Variants in DCLRE1C observed in about 807,000 individuals in gnomAD.
The protein encoded by DCLRE1C is DNA cross-link repair 1C, also known as protein artemis.
Under a neutral mutation model 61.4 loss-of-function variants are expected in DCLRE1C, and 47 were observed. That is an observed-to-expected ratio of 0.77 (90% CI 0.61 to 0.98). The LOEUF (loss-of-function observed/expected upper bound fraction) is 0.98, where lower values mean the gene tolerates loss of function less well. DCLRE1C is among the 50% of genes least tolerant of loss of function. The pLI, the probability that DCLRE1C is intolerant of heterozygous loss-of-function variation, is 0.00. For missense variants in DCLRE1C, 858 were observed against 816.0 expected (o/e 1.05, Z -0.63); for synonymous variants, 337 against 287.6 (o/e 1.17, Z -1.74).
At chr10:14,926,244 G>A (rs1837956268) in intron 11 of DCLRE1C, among the ~76,000 whole-genome samples, 3 of 152,122 alleles carry the variant, frequency 2.0e-5, no homozygotes, top group South Asian at 4.1e-4. Flanking sequence ...GAACGTGCAC[G>A]TCAGGTGATT....
chr10:14,929,066 C>T (rs2130864756), intron 9 of DCLRE1C, among the ~76,000 whole-genome samples: 1 of 152,312 alleles, frequency 6.6e-6, no homozygotes, highest in Non-Finnish European at 1.5e-5. Flanking sequence ...AGGCGAGAGC[C>T]ACTGGGCCCA....
chr10:14,919,862 C>G, intron 12 of DCLRE1C, 30 bp from the exon 13 acceptor site: 1 of 1,564,432 alleles, frequency 6.4e-7, no homozygotes. Flanking sequence ...TTGATTTTTC[C>G]TTTTGAGGAA....
chr10:14,909,582 G>A (rs367614862), intron 13 of DCLRE1C, among the ~76,000 whole-genome samples: 198 of 148,970 alleles, frequency 1.3e-3, no homozygotes, highest in Non-Finnish European at 2.2e-3. Flanking sequence ...TGATCATTAC[G>A]ATCATATGCA....
chr10:14,929,401 C>A (rs1838591078), intron 9 of DCLRE1C, among the ~76,000 whole-genome samples: 2 of 142,864 alleles, frequency 1.4e-5, no homozygotes, highest in Non-Finnish European at 1.5e-5. Flanking sequence ...GAAACTCTAT[C>A]TCAAAAAACC....
intron 9 of DCLRE1C, 99 bp downstream of exon 9, chr10:14,932,755 T>A (rs753198268): frequency 2.1e-6 from 3 of 1,410,128 alleles, no homozygotes; most frequent in Non-Finnish European, 3.0e-6. Context: ...CCTCAGGTTT[T>A]ACATTTGTAA....
At chr10:14,912,048 A>G (rs1835345542) in intron 13 of DCLRE1C, among the ~76,000 whole-genome samples, 1 of 152,230 alleles carries the variant, frequency 6.6e-6, no homozygotes, top group African/African-American at 2.4e-5. Context: ...GATTGACCAT[A>G]TGTTATGAAC....
chr10:14,921,423 T>G (rs1198296008), intron 12 of DCLRE1C, among the ~76,000 whole-genome samples: 1 of 152,250 alleles, frequency 6.6e-6, no homozygotes, highest in Admixed American at 6.5e-5. Flanking sequence ...CTCAGCTATT[T>G]TAAGATCAAG....
At chr10:14,933,846 T>A (rs1158658088) in intron 8 of DCLRE1C, among the ~76,000 whole-genome samples, 4 of 152,226 alleles carry the variant, frequency 2.6e-5, no homozygotes, top group Non-Finnish European at 4.4e-5. Flanking sequence ...GTAAGCCATT[T>A]TGGCTTCTGT....
Position 14,908,667 on chromosome 10 carries a change from C to T in DCLRE1C, c.1820G>A (p.Ser607Asn). The T allele has an allele frequency of 6.2e-7, 1 of 1,614,108 alleles. No individual in the cohort carries two copies. The highest frequency in any genetic ancestry group is 1.3e-5 in the African/African-American group (1 of 75,036). The change falls in exon 14 of 14, where the codon AGC becomes AAC. Residue 607 changes from serine to asparagine, a missense_variant. Physicochemically the swap from Ser to Asn is conservative, Grantham distance 46. Transcript: ENST00000378278. ...CPKDTYSDLK[S>N]RDKDVTIVPS... ...AACTATTGTCACATCTTTATCTCTG[C>T]TTTTCAAATCAGAGTAAGTATCCTT... is the stretch of plus-strand genomic sequence containing the variant.
chr10:14,925,334 G>A (rs1268409468), intron 11 of DCLRE1C, among the ~76,000 whole-genome samples: 1 of 150,852 alleles, frequency 6.6e-6, no homozygotes, highest in African/African-American at 2.5e-5. Flanking sequence ...ACCCAATAAA[G>A]GAGCACCCCC....
Position 14,906,932 on chromosome 10 carries a change from A to ACAAT in DCLRE1C, c.*1472_*1475dup, listed in dbSNP as rs1338662584. The stretch of plus-strand genomic sequence containing the variant: ...TCTTGCTTTGTTGCCCAGGCTGGGC[A>ACAAT]CAATCAGCTCACTGCAGTTTCAACC... On this transcript the variant is annotated 3_prime_UTR_variant, in exon 14 of 14. Transcript: ENST00000378278. Among the ~76,000 whole-genome samples, 1 of 151,524 alleles carries ACAAT rather than the reference A, an allele frequency of 6.6e-6. No homozygotes were observed. Among genetic ancestry groups the ACAAT allele is most frequent in the African/African-American group, 2.4e-5 (1 of 41,236 alleles).
intron 10 of DCLRE1C, among the ~76,000 whole-genome samples, chr10:14,927,666 T>G (rs1451794713): frequency 2.6e-5 from 4 of 151,436 alleles, no homozygotes; most frequent in African/African-American, 4.9e-5. Context: ...ACAGCCAAAG[T>G]TAAGGAAATA....
intron 13 of DCLRE1C, chr10:14,911,317 A>G (rs1011335754): frequency 6.6e-6 from 1 of 152,240 alleles, no homozygotes; most frequent in Non-Finnish European, 1.5e-5. Flanking sequence ...CATATACTAA[A>G]TGCTACTCTG....
At chr10:14,949,719 C>G (rs1265317917) in intron 1 of DCLRE1C, among the ~76,000 whole-genome samples, 1 of 152,140 alleles carries the variant, frequency 6.6e-6, no homozygotes, top group Non-Finnish European at 1.5e-5. Flanking sequence ...AAGTAAAGGC[C>G]CAGACAACAA....
chr10:14,908,106 A>C lies in DCLRE1C; in HGVS notation c.*302T>G. The C allele has an allele frequency of 6.2e-6, 2 of 321,088 alleles. No individual in the cohort carries two copies. Among genetic ancestry groups the C allele is most frequent in the South Asian group, 6.7e-5 (2 of 29,642 alleles). 19.9% of individuals were successfully genotyped at this position (321,088 alleles called of 1,614,324 possible). On this transcript the variant is annotated 3_prime_UTR_variant, in exon 14 of 14. Coordinates refer to ENST00000378278, the MANE Select transcript of DCLRE1C (RefSeq NM_001033855.3). ...CACAGTCATGGCTCACTGCAGCCTC[A>C]ATCTCCTGGGCTCAAGTGATCCTCA...
Position 14,945,124 on chromosome 10 carries a change from C to G in DCLRE1C, c.227G>C (p.Arg76Thr), listed in dbSNP as rs41296438. Residue 76 changes from arginine to threonine, a missense_variant, in exon 3 of 14, where the codon AGA becomes ACA. Arg to Thr is a moderately conservative substitution (Grantham distance 71, BLOSUM62 -1). Around this residue, in one of 2 missense-constraint regions of DCLRE1C, gnomAD observed 843 missense variants for 783.5 expected, o/e 1.08. Transcript: ENST00000378278. Reference sequence around the variant, plus strand: ...ACTTACAATTCGTTTCTTCCAAAATCTGTATTTCGGGCTCGTTAACAACAA... The same window carrying G: ...ACTTACAATTCGTTTCTTCCAAAATGTGTATTTCGGGCTCGTTAACAACAA... ...KELLLTSPKY[R>T]FWKKRIISIE... 1.4e-3 allele frequency: 2,326 copies of G among 1,612,330 alleles called. 36 individuals are homozygous for G. The African/African-American group carries it at 0.028, about 20-fold the overall frequency.
At chr10:14,951,983 C>T (rs902807055) in intron 1 of DCLRE1C, among the ~76,000 whole-genome samples, 2 of 152,116 alleles carry the variant, frequency 1.3e-5, no homozygotes, top group Admixed American at 1.3e-4. Context: ...TGTTTTCACC[C>T]TTGATGAGTT....
chr10:14,935,420 A>C (rs768853326), intron 6 of DCLRE1C, 43 bp downstream of exon 6: 50 of 1,567,086 alleles, frequency 3.2e-5, no homozygotes, highest in Non-Finnish European at 3.3e-5. Flanking sequence ...CCATTTCACA[A>C]AAATAAAATA....
At chr10:14,942,866 C>T (rs1438016434) in intron 3 of DCLRE1C, among the ~76,000 whole-genome samples, 1 of 152,170 alleles carries the variant, frequency 6.6e-6, no homozygotes. Flanking sequence ...TGGCTCACAC[C>T]TGTAATCCCA....
Sources: gnomAD v4.1 joint callset for allele counts (sites outside exome capture counted in the v4.1 genomes callset) on GRCh38, gnomAD v4.1.1 for gene constraint, gnomAD v4.1.1 regional missense constraint, MANE v1.5 for transcripts, NCBI Gene and HGNC (gene_info 2026-07-23, HGNC 2026-07-21) for gene names.